The following NBAS variants were observed in gnomAD, a reference collection of about 807,000 sequenced individuals.
NBAS encodes the protein NAG/BC035112 fusion.
A neutral mutation model predicts 302.5 loss-of-function variants in NBAS; 219 were observed. The observed-to-expected ratio is 0.72, with a 90% CI of 0.65 to 0.81. The LOEUF is 0.81. Ranked by LOEUF, NBAS falls within the 30% of genes least tolerant of loss-of-function variation. The probability of loss-of-function intolerance (pLI) is 0.00; values close to 1 mark genes in which losing one functional copy is unlikely to be tolerated. For synonymous variants in NBAS, 1,118 were observed against 1,021.6 expected (o/e 1.09, Z -1.80); for missense variants, 2,932 against 2,841.6 (o/e 1.03, Z -0.72).
chr2:15,238,565 A>C lies in NBAS; in HGVS notation c.5846T>G (p.Val1949Gly). The part of the protein sequence containing the change: ...DEAQEAKDSK[V>G]TYADTLNHLE... The stretch of plus-strand genomic sequence containing the variant: ...ATGATTCAAAGTATCTGCATAGGTA[A>C]CTTTAGAATCCTTAGCTTCTTGAGC... Residue 1949 changes from valine to glycine, a missense_variant, in exon 45 of 52, where the codon GTT becomes GGT. Coordinates refer to ENST00000281513, the MANE Select transcript of NBAS (RefSeq NM_015909.4). The C allele has an allele frequency of 6.2e-7, 1 of 1,614,084 alleles. No individual in the cohort carries two copies. Among genetic ancestry groups the C allele is most frequent in the Non-Finnish European group, 8.5e-7 (1 of 1,180,024 alleles).
chr2:14,859,667 A>C, the NBAS span, among the ~76,000 whole-genome samples: 60 of 152,186 alleles, frequency 3.9e-4, no homozygotes, highest in Admixed American at 7.2e-4. Flanking sequence ...TGTCTCTCAC[A>C]ATACACAAAA....
the NBAS span, among the ~76,000 whole-genome samples, chr2:14,785,849 G>T: frequency 6.6e-6 from 1 of 152,214 alleles, no homozygotes; most frequent in African/African-American, 2.4e-5. Context: ...ATGAGTTAGG[G>T]AGGATTCCCT....
chr2:15,201,065 A>T (rs1012169045), intron 48 of NBAS, among the ~76,000 whole-genome samples: 1 of 152,228 alleles, frequency 6.6e-6, no homozygotes, highest in Admixed American at 6.5e-5. Context: ...CTTTTTAAGA[A>T]ATGTTTTTTA....
At chr2:15,069,551 G>T in the NBAS span, among the ~76,000 whole-genome samples, 1 of 101,292 alleles carries the variant, frequency 9.9e-6, no homozygotes, top group South Asian at 3.3e-4. Context: ...GGTTTCAGTG[G>T]GGCTCAAAAA....
chr2:14,921,118 A>G, the NBAS span, among the ~76,000 whole-genome samples: 1 of 152,046 alleles, frequency 6.6e-6, no homozygotes, highest in Non-Finnish European at 1.5e-5. Context: ...CTTAGAGACC[A>G]TTGTAGGGTT....
At chr2:15,055,755 C>T in the NBAS span, among the ~76,000 whole-genome samples, 2 of 152,110 alleles carry the variant, frequency 1.3e-5, no homozygotes, top group South Asian at 2.1e-4. Context: ...CAATGGGAGT[C>T]GGGTTTCTCC....
In NBAS at chr2:15,359,620, C is replaced by T. The variant is rs186327130; in HGVS notation, c.3818-3204G>A. ...TTTCTTTACATAAAATATAGGTTTT[C>T]GTTGCCCTTTCAACATATTCCTTTA... On this transcript the variant is annotated intron_variant, in intron 32 of 51. Transcript: ENST00000281513. 1.6e-3 allele frequency among the ~76,000 whole-genome samples: 245 copies of T among 152,022 alleles called. 1 individual carries two copies. The highest frequency in any genetic ancestry group is 2.6e-3 in the Non-Finnish European group (180 of 67,954).
chr2:15,004,752 A>AC, the NBAS span, among the ~76,000 whole-genome samples: 44 of 134,338 alleles, frequency 3.3e-4, no homozygotes, highest in South Asian at 9.3e-4. Flanking sequence ...CAAGCGATCC[A>AC]CCCCCCCTTG....
At position 15,353,607 on chromosome 2, in the gene NBAS, G is replaced by A. The variant is rs766122639; in HGVS notation, c.4035C>T (p.Cys1345=). 6.2e-7 allele frequency: 1 copy of A among 1,613,928 alleles called. No homozygotes were observed. Among genetic ancestry groups the A allele is most frequent in the African/African-American group, 1.3e-5 (1 of 74,906 alleles). Residue 1345 remains cysteine (C), a synonymous_variant, in exon 34 of 52, where the codon TGC becomes TGT. Transcript: ENST00000281513. ...AAAGAAGTTCAATGCTGCTAGGAGGGCAATGTGTCAAAGCAAAAGCCATGA... is the reference window on the plus strand; with the variant it reads ...AAAGAAGTTCAATGCTGCTAGGAGGACAATGTGTCAAAGCAAAAGCCATGA... ...QELMAFALTH[C]PPSSIELLLA...
At chr2:15,515,773 T>C (rs73202726) in intron 9 of NBAS, among the ~76,000 whole-genome samples, 9,834 of 151,974 alleles carry the variant, frequency 0.065, 1,002 homozygotes, top group African/African-American at 0.22. Flanking sequence ...GGTAAAACCA[T>C]GTAACTTAAA....
chr2:15,253,140 G>A (rs767358441), intron 44 of NBAS, among the ~76,000 whole-genome samples: 1 of 152,078 alleles, frequency 6.6e-6, no homozygotes, highest in Non-Finnish European at 1.5e-5. Context: ...GTTTTACTGT[G>A]CTCCAAAAAA....
the NBAS span, among the ~76,000 whole-genome samples, chr2:15,127,148 G>A: frequency 6.6e-6 from 1 of 152,130 alleles, no homozygotes; most frequent in Non-Finnish European, 1.5e-5. Context: ...TTGAAAGAGG[G>A]GCCCGTTGTT....
rs554276080 is a variant in NBAS at position 15,348,550 on chromosome 2, G to A, written c.4179+3442C>T. ...TTCACAGATTTTGGAAAGAACAAGC[G>A]GGTTCCAAATAATTCATAAAGCTGA... On this transcript the variant is annotated intron_variant, in intron 35 of 51. Coordinates refer to ENST00000281513, the MANE Select transcript of NBAS (RefSeq NM_015909.4). 9.2e-5 allele frequency among the ~76,000 whole-genome samples: 14 copies of A among 152,064 alleles called. No individual in the cohort carries two copies. The South Asian group carries it at 1.7e-3, about 18-fold the overall frequency.
chr2:15,291,076 A>G (rs1044118541), intron 41 of NBAS, among the ~76,000 whole-genome samples: 2 of 152,258 alleles, frequency 1.3e-5, no homozygotes, highest in Non-Finnish European at 2.9e-5. Context: ...GAGAAAAATA[A>G]CCATTAAATG....
chr2:15,325,989 A>C (rs74720601), intron 38 of NBAS, among the ~76,000 whole-genome samples: 2,721 of 152,272 alleles, frequency 0.018, 68 homozygotes, highest in African/African-American at 0.06. Context: ...GAGACCCAAG[A>C]AGAAGGAGAG....
chr2:15,287,636 C>T (rs1396145544), intron 41 of NBAS, among the ~76,000 whole-genome samples: 6 of 150,052 alleles, frequency 4.0e-5, no homozygotes, highest in African/African-American at 1.2e-4. Flanking sequence ...ATGTGGGCAT[C>T]CCCCTGTAGG....
the NBAS span, among the ~76,000 whole-genome samples, chr2:14,885,440 G>A: frequency 1.6e-4 from 24 of 152,160 alleles, no homozygotes; most frequent in Non-Finnish European, 1.5e-4. Flanking sequence ...GTATGAATGA[G>A]GGGGAGGCAG....
In NBAS at chr2:15,472,491, T is replaced by C. The variant is rs1157851909; in HGVS notation, c.1725+731A>G. Among the ~76,000 whole-genome samples the C allele has an allele frequency of 3.3e-5, 5 of 152,126 alleles. No individual in the cohort carries two copies. In the East Asian group the frequency reaches 9.6e-4, roughly 29 times the overall value. On this transcript the variant is annotated intron_variant, in intron 16 of 51. Transcript: ENST00000281513. ...AGTCTTGGCCATGATTCCTTAATTA[T>C]CTACCAGCCTTGAGCCACATGCATG...
intron 48 of NBAS, among the ~76,000 whole-genome samples, chr2:15,203,923 T>TGTGTGTGA: frequency 6.7e-6 from 1 of 150,186 alleles, no homozygotes. Context: ...TGTGTGTGTG[T>TGTGTGTGA]GTGAGTGGGG....
Sources: gnomAD v4.1 joint callset for allele counts (sites outside exome capture counted in the v4.1 genomes callset) on GRCh38, gnomAD v4.1.1 for gene constraint, MANE v1.5 for transcripts, NCBI Gene and HGNC (gene_info 2026-07-23, HGNC 2026-07-21) for gene names.